SNAPC4: variants seen among roughly 807,000 people sequenced by gnomAD.
The protein encoded by SNAPC4 is small nuclear RNA activating complex polypeptide 4.
In SNAPC4, 127 loss-of-function variants were observed where a neutral mutation model predicts 151.3. The ratio of observed to expected loss-of-function variants is 0.84; its 90% CI spans 0.73 to 0.97. The LOEUF (loss-of-function observed/expected upper bound fraction) is 0.97. Among genes scored for constraint, SNAPC4 ranks in the 50% least tolerant of loss-of-function variants. The probability of loss-of-function intolerance (pLI) is 0.00; values close to 1 mark genes in which losing one functional copy is unlikely to be tolerated. For missense variants in SNAPC4, 2,186 were observed against 1,935.0 expected (o/e 1.13, Z -2.43); for synonymous variants, 1,002 against 824.4 (o/e 1.22, Z -3.69).
At chr9:136,392,648 G>A in intron 8 of SNAPC4, 25 bp downstream of exon 8, 1 of 1,612,702 alleles carries the variant, frequency 6.2e-7, no homozygotes, top group Middle Eastern at 1.7e-4. Context: ...GGCTCCCCTG[G>A]GCCCTCCCGG....
Position 136,378,355 on chromosome 9 carries a change from G to A in SNAPC4, c.3472C>T (p.His1158Tyr), listed in dbSNP as rs969385773. The A allele has an allele frequency of 1.2e-6, 2 of 1,610,308 alleles. No individual in the cohort carries two copies. Among genetic ancestry groups the A allele is most frequent in the Non-Finnish European group, 1.7e-6 (2 of 1,179,044 alleles). The change falls in exon 22 of 24, where the codon CAC becomes TAC. Residue 1158 changes from histidine (H) to tyrosine (Y), a missense_variant. His to Tyr is a moderately conservative substitution (Grantham distance 83, BLOSUM62 2). Transcript: ENST00000684778. The stretch of plus-strand genomic sequence containing the variant: ...TCTGCAGGACTTTGGGAGAGGGCGT[G>A]TGTGGGAGGAGCTGGGGTGTCTGTC... ...CRTDTPAPPT[H>Y]ALSQSPAEAD...
At chr9:136,398,487 A>G in intron 1 of SNAPC4, 50 bp from the exon 2 acceptor site, 2 of 1,591,098 alleles carry the variant, frequency 1.3e-6, no homozygotes, top group Non-Finnish European at 1.7e-6. Context: ...CCGTGCCGGG[A>G]TCCCATTCTC....
At position 136,379,027 on chromosome 9, in the gene SNAPC4, G is replaced by T; in HGVS notation, c.2800C>A (p.Pro934Thr). The change falls in exon 22 of 24, where the codon CCA becomes ACA. Residue 934 changes from proline to threonine, a missense_variant. By Grantham distance (38) the Pro-to-Thr change is conservative. Coordinates refer to ENST00000684778, the MANE Select transcript of SNAPC4 (RefSeq NM_003086.4). ...GCTGGGCGGCCGTGTGGGGTGTGTG[G>T]TAGAGGGGGCTGGAGGATCACAGAC... ...SSSVILQPPL[P>T]HTPHGRPAPG... 4.4e-6 allele frequency: 7 copies of T among 1,601,470 alleles called. No individual in the cohort carries two copies. The highest frequency in any genetic ancestry group is 6.0e-6 in the Non-Finnish European group (7 of 1,174,872).
At chr9:136,397,050 T>A in intron 2 of SNAPC4, 27 bp from the exon 3 acceptor site, 2 of 1,609,272 alleles carry the variant, frequency 1.2e-6, no homozygotes, top group Non-Finnish European at 1.7e-6. Flanking sequence ...CAACACCGTG[T>A]TGGTAACCAG....
At chr9:136,398,185 G>A (rs757359780) in intron 2 of SNAPC4, 114 bp downstream of exon 2, 2 of 1,121,908 alleles carry the variant, frequency 1.8e-6, no homozygotes, top group East Asian at 2.5e-5. Context: ...TGGGTTTACA[G>A]GCCTGAGAAA....
At chr9:136,398,576 A>G in intron 1 of SNAPC4, 139 bp from the exon 2 acceptor site, 1 of 941,660 alleles carries the variant, frequency 1.1e-6, no homozygotes, top group African/African-American at 1.6e-5. Context: ...AAAGATTAAT[A>G]GGCCAGGCAC....
chr9:136,383,962 G>A lies in SNAPC4; in HGVS notation c.1491C>T (p.Ile497=). The A allele has an allele frequency of 6.2e-7, 1 of 1,613,332 alleles. No homozygotes were observed. Among genetic ancestry groups the A allele is most frequent in the Middle Eastern group, 1.7e-4 (1 of 6,058 alleles). Reference sequence around the variant, plus strand: ...GGAGCGAGTGGCTCACCCCCATCATGATCTTCCACTTGCTCAGACACTGGG... The same window carrying A: ...GGAGCGAGTGGCTCACCCCCATCATAATCTTCCACTTGCTCAGACACTGGG... The part of the protein sequence containing the change: ...SGSQCLSKWK[I]MMGKKQGLRR... Residue 497 remains isoleucine (I), a synonymous_variant, in exon 15 of 24, where the codon ATC becomes ATT. Transcript: ENST00000684778. The surrounding 1 kb of genome is among the most constrained non-coding windows in gnomAD (Gnocchi z 4.2).
At chr9:136,399,900 C>T (rs773191396) in intron 1 of SNAPC4, among the ~76,000 whole-genome samples, 3 of 152,114 alleles carry the variant, frequency 2.0e-5, no homozygotes, top group Non-Finnish European at 4.4e-5. Context: ...GCCGGAGCCT[C>T]CTCGGAGCCC....
intron 13 of SNAPC4, among the ~76,000 whole-genome samples, chr9:136,386,000 G>A (rs962625576): frequency 3.9e-5 from 6 of 152,068 alleles, no homozygotes; most frequent in African/African-American, 1.5e-4. Flanking sequence ...TCCTACTTTC[G>A]ATTCTTTTGG....
chr9:136,385,004 A>T (rs1833843897), intron 13 of SNAPC4, among the ~76,000 whole-genome samples, 190 bp from the exon 14 acceptor site: 1 of 152,232 alleles, frequency 6.6e-6, no homozygotes, highest in Non-Finnish European at 1.5e-5. Flanking sequence ...AAAAAGTAGA[A>T]AGTGTACAGG....
At chr9:136,390,703 A>C (rs1191241352) in intron 10 of SNAPC4, among the ~76,000 whole-genome samples, 1 of 151,970 alleles carries the variant, frequency 6.6e-6, no homozygotes, top group Non-Finnish European at 1.5e-5. Flanking sequence ...TCCTGCACAC[A>C]CAGCCCTGAA....
At chr9:136,389,689 A>C (rs1834003287) in intron 10 of SNAPC4, among the ~76,000 whole-genome samples, 1 of 152,202 alleles carries the variant, frequency 6.6e-6, no homozygotes. Context: ...ACCAGTGGAA[A>C]GAGAGACCCT....
chr9:136,378,104 G>C lies in SNAPC4; in HGVS notation c.3723C>G (p.Pro1241=). The C allele has an allele frequency of 6.3e-7, 1 of 1,593,826 alleles. No homozygotes were observed. Residue 1241 remains proline, a synonymous_variant, in exon 22 of 24, where the codon CCC becomes CCG. Transcript: ENST00000684778. ...CCTTCTCAGGCCCAGGCTGGCGCAGGGGCAGCTTCTCCAGGCCCAGAGGCC... is the reference window on the plus strand; with the variant it reads ...CCTTCTCAGGCCCAGGCTGGCGCAGCGGCAGCTTCTCCAGGCCCAGAGGCC... ...PRGPLGLEKL[P]LRQPGPEKGA...
Position 136,378,597 on chromosome 9 carries a change from G to A in SNAPC4, c.3230C>T (p.Thr1077Ile), listed in dbSNP as rs753578724. Reference sequence around the variant, plus strand: ...AAGCCCCTGGGCTGTGAGCACCCAGGTGACAGGCAGGGGGACACTGGTCGC... The same window carrying A: ...AAGCCCCTGGGCTGTGAGCACCCAGATGACAGGCAGGGGGACACTGGTCGC... ...HVATSVPLPV[T>I]WVLTAQGLLP... The change falls in exon 22 of 24, where the codon ACC (threonine) becomes ATC (isoleucine). Residue 1077 changes from threonine (T) to isoleucine (I), a missense_variant. Physicochemically the swap from Thr to Ile is moderately conservative, Grantham distance 89 (BLOSUM62 -1). Coordinates refer to ENST00000684778, the MANE Select transcript of SNAPC4 (RefSeq NM_003086.4). 1.8e-5 allele frequency: 29 copies of A among 1,581,600 alleles called. No individual in the cohort carries two copies. The highest frequency in any genetic ancestry group is 2.5e-5 in the Non-Finnish European group (29 of 1,166,472).
rs199784078 is a variant in SNAPC4 at position 136,381,932 on chromosome 9, G to A, written c.2209C>T (p.Arg737Trp). Reference protein sequence around the residue: ...GQRRWRHALHRRLLNRRLLLA... With the variant: ...GQRRWRHALHWRLLNRRLLLA... ...AGCAGCCTGCGGTTCAGGAGCCTCC[G>A]GTGCAGAGCGTGTCTCCAGCGCCGC... The change falls in exon 18 of 24, where the codon CGG becomes TGG. Residue 737 changes from arginine (R) to tryptophan (W), a missense_variant. Coordinates refer to ENST00000684778, the MANE Select transcript of SNAPC4 (RefSeq NM_003086.4). 35 of 1,612,870 alleles carry A rather than the reference G, an allele frequency of 2.2e-5. No homozygotes were observed. The East Asian group carries it at 3.6e-4, about 16-fold the overall frequency.
chr9:136,386,490 A>G (rs1294286617), intron 13 of SNAPC4, among the ~76,000 whole-genome samples: 1 of 148,994 alleles, frequency 6.7e-6, no homozygotes, highest in African/African-American at 2.5e-5. Flanking sequence ...GCTAGAGTGC[A>G]ATGGCGTGAT....
In SNAPC4 at chr9:136,395,406, A is replaced by T. The variant is rs1427904936; in HGVS notation, c.363T>A (p.Asp121Glu). ...NREQQEELMR[D>E]LAGSKGTKVK... The stretch of plus-strand genomic sequence containing the variant: ...CCTTGGTGCCTTTGGACCCAGCCAG[A>T]TCCCTCATGAGTTCCTCCTGTGACA... The change falls in exon 5 of 24, where the codon GAT becomes GAA. Residue 121 changes from aspartate to glutamate, a missense_variant. By Grantham distance (45) the Asp-to-Glu change is conservative. Transcript: ENST00000684778. The T allele has an allele frequency of 6.2e-7, 1 of 1,613,032 alleles. No homozygotes were observed. Among genetic ancestry groups the T allele is most frequent in the African/African-American group, 1.3e-5 (1 of 74,916 alleles).
chr9:136,377,702 A>G lies in SNAPC4; in HGVS notation c.4125T>C (p.Pro1375=), dbSNP rs1343269591. 1 of 1,609,060 alleles carries G rather than the reference A, an allele frequency of 6.2e-7. No individual in the cohort carries two copies. Among genetic ancestry groups the G allele is most frequent in the Admixed American group, 1.7e-5 (1 of 59,842 alleles). The part of the protein sequence containing the change: ...RARFLAAFTL[P]ALLATLAPQG... The stretch of plus-strand genomic sequence containing the variant: ...GGGGGGCCAGGGTGGCCAGGAGCGC[A>G]GGGAGGGTGAAGGCTGCCAGGAACC... The change falls in exon 22 of 24, where the codon CCT becomes CCC. Residue 1375 remains proline, a synonymous_variant. Coordinates refer to ENST00000684778, the MANE Select transcript of SNAPC4 (RefSeq NM_003086.4).
chr9:136,397,081 C>G, intron 2 of SNAPC4, 58 bp from the exon 3 acceptor site: 1 of 1,447,486 alleles, frequency 6.9e-7, no homozygotes, highest in South Asian at 1.1e-5. Context: ...AGGGTGGGGG[C>G]GCAGCTCACC....
Sources: gnomAD v4.1 joint callset for allele counts (sites outside exome capture counted in the v4.1 genomes callset) on GRCh38, gnomAD v4.1.1 for gene constraint, Gnocchi (gnomAD v3.1) non-coding constraint, MANE v1.5 for transcripts, NCBI Gene and HGNC (gene_info 2026-07-23, HGNC 2026-07-21) for gene names.